The following NEURL1 variants were observed in gnomAD, a reference collection of about 807,000 sequenced individuals.
NEURL1 encodes E3 ubiquitin-protein ligase NEURL1.
A neutral mutation model predicts 41.2 loss-of-function variants in NEURL1; 26 were observed. The observed-to-expected ratio is 0.63, with a 90% CI of 0.46 to 0.87. NEURL1 has a LOEUF of 0.87. Ranked by LOEUF, NEURL1 falls within the 40% of genes least tolerant of loss-of-function variation. The pLI, the probability that NEURL1 is intolerant of heterozygous loss-of-function variation, is 0.00. For missense variants in NEURL1, 761 were observed against 871.1 expected (o/e 0.87, Z 1.59); for synonymous variants, 400 against 402.3 (o/e 0.99, Z 0.07).
chr10:103,508,062 T>A lies in NEURL1; in HGVS notation c.85+13590T>A, dbSNP rs763466899. Among the ~76,000 whole-genome samples the A allele has an allele frequency of 2.0e-5, 3 of 152,188 alleles. No individual in the cohort carries two copies. The highest frequency in any genetic ancestry group is 4.4e-5 in the Non-Finnish European group (3 of 68,040). On this transcript the variant is annotated intron_variant, in intron 1 of 5. Coordinates refer to ENST00000369780, the MANE Select transcript of NEURL1 (RefSeq NM_004210.5). This position sits in a 1 kb window ranked among gnomAD's most constrained non-coding sequence, Gnocchi z 4.3. ...CAAGGGATGGACAAGCAAGAGGGAC[T>A]GGATGGATGGCCCTGTAGTAAAACA...
chr10:103,524,663 G>A (rs1592195611), intron 1 of NEURL1, among the ~76,000 whole-genome samples: 2 of 152,152 alleles, frequency 1.3e-5, no homozygotes, highest in South Asian at 4.2e-4. Context: ...TTCTGCATAT[G>A]GATATCCAGT....
intron 1 of NEURL1, among the ~76,000 whole-genome samples, chr10:103,569,003 T>TG (rs2035483646): frequency 6.6e-6 from 1 of 152,094 alleles, no homozygotes; most frequent in Admixed American, 6.6e-5. Context: ...TTAGTAGAGA[T>TG]GGGGTTTCAC....
At chr10:103,559,176 C>T (rs2035227461) in intron 1 of NEURL1, among the ~76,000 whole-genome samples, 1 of 152,158 alleles carries the variant, frequency 6.6e-6, no homozygotes, top group African/African-American at 2.4e-5. Flanking sequence ...ATCCAGTGGC[C>T]TTGTGAAACC....
chr10:103,497,228 C>T (rs1247289739), intron 1 of NEURL1, among the ~76,000 whole-genome samples: 8 of 152,184 alleles, frequency 5.3e-5, no homozygotes, highest in Non-Finnish European at 8.8e-5. Flanking sequence ...CATTGACCTA[C>T]GAGTCTTCTC....
intron 1 of NEURL1, among the ~76,000 whole-genome samples, chr10:103,510,681 T>C (rs2034049601): frequency 6.6e-6 from 1 of 152,212 alleles, no homozygotes; most frequent in Non-Finnish European, 1.5e-5. Context: ...CACCCCTGGC[T>C]GGGCTGACCC....
chr10:103,559,053 G>T (rs1364459608), intron 1 of NEURL1, among the ~76,000 whole-genome samples: 1 of 152,112 alleles, frequency 6.6e-6, no homozygotes, highest in Non-Finnish European at 1.5e-5. Flanking sequence ...GCTAACTGAG[G>T]CCACACAGCT....
chr10:103,566,324 T>A lies in NEURL1; in HGVS notation c.86-4548T>A, dbSNP rs10786758. 0.56 allele frequency among the ~76,000 whole-genome samples: 85,113 copies of A among 151,918 alleles called. 24,421 individuals carry two copies. The highest frequency in any genetic ancestry group is 0.66 in the African/African-American group (27,474 of 41,426). The stretch of plus-strand genomic sequence containing the variant: ...TTGTCCAGGCTAAGATATGGAACAT[T>A]TCTATCGCCATAAAAACTTCCTTCC... On this transcript the variant is annotated intron_variant, in intron 1 of 5. Transcript: ENST00000369780. The surrounding 1 kb of genome is among the most constrained non-coding windows in gnomAD (Gnocchi z 4.2).
chr10:103,570,430 T>G (rs943889651), intron 1 of NEURL1, among the ~76,000 whole-genome samples: 1 of 152,162 alleles, frequency 6.6e-6, no homozygotes, highest in Non-Finnish European at 1.5e-5. Context: ...TCTCCAGTGC[T>G]CAGGACAGAG....
intron 1 of NEURL1, among the ~76,000 whole-genome samples, chr10:103,516,204 G>A (rs11191716): frequency 0.18 from 25,481 of 140,278 alleles, 2,669 homozygotes; most frequent in South Asian, 0.3. Context: ...CTCCAGCCTG[G>A]GTGATAGAGT....
In NEURL1 at chr10:103,566,036, T is replaced by C. The variant is rs2035416707; in HGVS notation, c.86-4836T>C. 6.6e-6 allele frequency among the ~76,000 whole-genome samples: 1 copy of C among 152,166 alleles called. No individual in the cohort carries two copies. Among genetic ancestry groups the C allele is most frequent in the Admixed American group, 6.6e-5 (1 of 15,266 alleles). ...TGTACAGTTTTGTGAGTTTTTACAATGTACAAGTTGTGTAACCACTACCCC... is the reference window on the plus strand; with the variant it reads ...TGTACAGTTTTGTGAGTTTTTACAACGTACAAGTTGTGTAACCACTACCCC... On this transcript the variant is annotated intron_variant, in intron 1 of 5. Coordinates refer to ENST00000369780, the MANE Select transcript of NEURL1 (RefSeq NM_004210.5). The surrounding 1 kb of genome is among the most constrained non-coding windows in gnomAD (Gnocchi z 4.2).
intron 3 of NEURL1, among the ~76,000 whole-genome samples, chr10:103,582,010 GA>G (rs1451430759): frequency 6.6e-6 from 1 of 152,204 alleles, no homozygotes; most frequent in African/African-American, 2.4e-5. Context: ...GGGGCAGAGA[GA>G]CCAGGATAGC....
chr10:103,591,308 C>T lies in NEURL1; in HGVS notation c.*936C>T, dbSNP rs1270623998. On this transcript the variant is annotated 3_prime_UTR_variant, in exon 6 of 6. Coordinates refer to ENST00000369780, the MANE Select transcript of NEURL1 (RefSeq NM_004210.5). ...CCAGGGCCTAGGCTGATAGTCAGAG[C>T]CTGTGGCACACCTGGGATGGGCCAG... 1 of 152,686 alleles carries T rather than the reference C, an allele frequency of 6.5e-6. No individual in the cohort carries two copies. The highest frequency in any genetic ancestry group is 1.9e-4 in the East Asian group (1 of 5,206). The allele number at this position is 152,686 out of a possible 1,614,324, so 9.5% of individuals were successfully genotyped here. A position where few individuals can be genotyped will look rare whatever the true frequency, so the allele number is the denominator to read the frequency against.
intron 4 of NEURL1, 52 bp from the exon 5 acceptor site, chr10:103,589,462 G>A: frequency 6.5e-7 from 1 of 1,533,086 alleles, no homozygotes. Context: ...GCTTTCTCCA[G>A]TTTGGCCTGG....
intron 1 of NEURL1, among the ~76,000 whole-genome samples, chr10:103,507,321 T>C (rs891561067): frequency 8.6e-5 from 13 of 151,392 alleles, no homozygotes; most frequent in Admixed American, 2.6e-4. Flanking sequence ...AACAGAAGAG[T>C]GACAGGATCA....
chr10:103,548,092 C>A (rs1008693432), intron 1 of NEURL1, among the ~76,000 whole-genome samples: 5 of 152,092 alleles, frequency 3.3e-5, no homozygotes, highest in Non-Finnish European at 7.4e-5. Flanking sequence ...GTTTAAAATT[C>A]ATTCTATTCC....
chr10:103,582,191 C>A (rs181980306), intron 3 of NEURL1, among the ~76,000 whole-genome samples: 1 of 152,118 alleles, frequency 6.6e-6, no homozygotes, highest in Non-Finnish European at 1.5e-5. Context: ...TGTTACTGCC[C>A]CTTCCCCTCT....
chr10:103,551,053 A>T (rs1433763563), intron 1 of NEURL1: 1 of 152,168 alleles, frequency 6.6e-6, no homozygotes, highest in East Asian at 1.9e-4. Context: ...CAGATCATTT[A>T]GCCAGAGCTG....
At chr10:103,542,844 G>T (rs190661749) in intron 1 of NEURL1, among the ~76,000 whole-genome samples, 41 of 152,290 alleles carry the variant, frequency 2.7e-4, no homozygotes, top group Middle Eastern at 3.4e-3. Flanking sequence ...ACTGACACCC[G>T]GGGGCTGGCT....
intron 1 of NEURL1, among the ~76,000 whole-genome samples, chr10:103,555,943 G>A (rs988839740): frequency 2.6e-5 from 4 of 151,572 alleles, no homozygotes; most frequent in African/African-American, 9.8e-5. Flanking sequence ...GTGTGCATGT[G>A]TGTCTGTGCT....
Sources: gnomAD v4.1 joint callset for allele counts (sites outside exome capture counted in the v4.1 genomes callset) on GRCh38, gnomAD v4.1.1 for gene constraint, Gnocchi (gnomAD v3.1) non-coding constraint, MANE v1.5 for transcripts, NCBI Gene and HGNC (gene_info 2026-07-23, HGNC 2026-07-21) for gene names.